The following CHN1 variants were observed in gnomAD, a reference collection of about 807,000 sequenced individuals.
The protein encoded by CHN1 is N-chimaerin.
A neutral mutation model predicts 59.5 loss-of-function variants in CHN1; 37 were observed. The ratio of observed to expected loss-of-function variants is 0.62; its 90% CI spans 0.48 to 0.82. The LOEUF (loss-of-function observed/expected upper bound fraction) is 0.82, where lower values mean the gene tolerates loss of function less well. CHN1 is among the 40% of genes least tolerant of loss of function. CHN1 has a pLI of 0.00. For synonymous variants in CHN1, 206 were observed against 200.4 expected (o/e 1.03, Z -0.24); for missense variants, 469 against 571.0 (o/e 0.82, Z 1.82).
At chr2:174,972,650 A>C (rs542230370) in intron 1 of CHN1, among the ~76,000 whole-genome samples, 1 of 152,300 alleles carries the variant, frequency 6.6e-6, no homozygotes, top group African/African-American at 2.4e-5. Context: ...AAGAAAGTAA[A>C]GTGAGATCTT....
chr2:174,896,280 A>G (rs1688216159), intron 5 of CHN1, among the ~76,000 whole-genome samples: 1 of 152,134 alleles, frequency 6.6e-6, no homozygotes, highest in South Asian at 2.1e-4. Flanking sequence ...ACACTTATAA[A>G]AGAGAAAACA....
chr2:174,945,640 G>C (rs529638850), intron 2 of CHN1, among the ~76,000 whole-genome samples: 2 of 151,794 alleles, frequency 1.3e-5, no homozygotes, highest in African/African-American at 4.8e-5. Flanking sequence ...AGGATGTGTG[G>C]CTATATATGT....
intron 6 of CHN1, among the ~76,000 whole-genome samples, chr2:174,856,512 T>C (rs547979498): frequency 6.6e-6 from 1 of 152,184 alleles, no homozygotes; most frequent in East Asian, 1.9e-4. Flanking sequence ...CTGAAAACAA[T>C]GCAAACAAAA....
chr2:174,873,066 T>C (rs1687460703), intron 6 of CHN1, among the ~76,000 whole-genome samples: 1 of 152,032 alleles, frequency 6.6e-6, no homozygotes, highest in Non-Finnish European at 1.5e-5. Flanking sequence ...AGGCTGTTTA[T>C]ACAGGATAAA....
At chr2:174,883,148 G>A (rs570029593) in intron 5 of CHN1, among the ~76,000 whole-genome samples, 10 of 152,282 alleles carry the variant, frequency 6.6e-5, no homozygotes, top group African/African-American at 2.2e-4. Context: ...AGCTCTGGAA[G>A]GTAGAACTGA....
chr2:174,992,195 GA>G (rs1378320035), intron 1 of CHN1, among the ~76,000 whole-genome samples: 1 of 152,208 alleles, frequency 6.6e-6, no homozygotes, highest in Non-Finnish European at 1.5e-5. Context: ...CAGAGGCAAA[GA>G]AAGAGAGGAT....
At chr2:174,838,401 C>T (rs1044274457) in intron 7 of CHN1, among the ~76,000 whole-genome samples, 34 of 152,088 alleles carry the variant, frequency 2.2e-4, no homozygotes, top group Non-Finnish European at 4.1e-4. Context: ...CCAAACCTCA[C>T]TCTTAATAAG....
chr2:174,966,195 C>T (rs560132300), intron 1 of CHN1, among the ~76,000 whole-genome samples: 10 of 152,150 alleles, frequency 6.6e-5, no homozygotes, highest in Admixed American at 1.3e-4. Context: ...TTAGAAGCAA[C>T]GAAGTCATTT....
chr2:174,986,689 T>C (rs1243955234), intron 1 of CHN1, among the ~76,000 whole-genome samples: 1 of 152,228 alleles, frequency 6.6e-6, no homozygotes, highest in Non-Finnish European at 1.5e-5. Flanking sequence ...TGAAGACATT[T>C]ACAACGATCC....
intron 3 of CHN1, among the ~76,000 whole-genome samples, chr2:174,932,085 T>C (rs897147457): frequency 1.3e-5 from 2 of 152,206 alleles, no homozygotes; most frequent in Admixed American, 1.3e-4. Flanking sequence ...GATTACTCTG[T>C]GCTGGGAATA....
intron 6 of CHN1, among the ~76,000 whole-genome samples, chr2:174,851,880 A>C (rs1258212709): frequency 6.6e-6 from 1 of 152,232 alleles, no homozygotes; most frequent in Non-Finnish European, 1.5e-5. Context: ...AGGCTACCAG[A>C]ACTGATAAAT....
intron 6 of CHN1, among the ~76,000 whole-genome samples, chr2:174,867,237 G>A (rs754295458): frequency 1.3e-4 from 19 of 151,928 alleles, no homozygotes; most frequent in African/African-American, 2.4e-4. Flanking sequence ...TTAGCTGAGC[G>A]TGGTGGTGCA....
intron 5 of CHN1, among the ~76,000 whole-genome samples, chr2:174,896,642 CACAG>C (rs751095145): frequency 1.4e-4 from 22 of 152,226 alleles, no homozygotes; most frequent in Admixed American, 5.9e-4. Flanking sequence ...TAGAAAGACA[CACAG>C]ACAGCACTAC....
At chr2:174,903,622 A>G (rs1403403423) in intron 5 of CHN1, among the ~76,000 whole-genome samples, 3 of 152,206 alleles carry the variant, frequency 2.0e-5, no homozygotes, top group Non-Finnish European at 4.4e-5. Context: ...TGCTGCTTTT[A>G]TAACAGAAAT....
chr2:174,936,300 G>C (rs1388600504), intron 3 of CHN1, among the ~76,000 whole-genome samples: 1 of 152,110 alleles, frequency 6.6e-6, no homozygotes, highest in African/African-American at 2.4e-5. Context: ...ATAGCAGGGG[G>C]AAAAGTGCGT....
At chr2:174,948,594 A>G (rs1689919608) in intron 2 of CHN1, among the ~76,000 whole-genome samples, 1 of 152,248 alleles carries the variant, frequency 6.6e-6, no homozygotes, top group South Asian at 2.1e-4. Flanking sequence ...TGGGTAAAAT[A>G]AGTTTCTTCT....
At position 174,932,047 on chromosome 2, in the gene CHN1, T is replaced by C. The variant is rs117212873; in HGVS notation, c.114+12841A>G. 2.8e-3 allele frequency among the ~76,000 whole-genome samples: 419 copies of C among 152,216 alleles called. 26 individuals carry two copies. The East Asian group carries it at 0.078, about 28-fold the overall frequency. ...CAATGGAGAGTTCTGAGCAGAACAG[T>C]GACATGAGCTGACTGTGGTTTCAAA... On this transcript the variant is annotated intron_variant, in intron 3 of 12. Transcript: ENST00000409900.
intron 1 of CHN1, among the ~76,000 whole-genome samples, chr2:174,993,090 C>T (rs1691597979): frequency 6.6e-6 from 1 of 152,138 alleles, no homozygotes; most frequent in Non-Finnish European, 1.5e-5. Context: ...ACACCTGGCT[C>T]CAATCACTTG....
intron 5 of CHN1, among the ~76,000 whole-genome samples, chr2:174,892,250 C>T (rs986816792): frequency 6.6e-6 from 1 of 152,110 alleles, no homozygotes; most frequent in East Asian, 1.9e-4. Flanking sequence ...TGTTTGTGTC[C>T]CCTGCAAAAT....
Sources: gnomAD v4.1 joint callset for allele counts (sites outside exome capture counted in the v4.1 genomes callset) on GRCh38, gnomAD v4.1.1 for gene constraint, MANE v1.5 for transcripts, NCBI Gene and HGNC (gene_info 2026-07-23, HGNC 2026-07-21) for gene names.